The following KCNIP4 variants were observed in gnomAD, a reference collection of about 807,000 sequenced individuals.
KCNIP4 encodes the protein potassium voltage-gated channel interacting protein 4.
Under a neutral mutation model 34.0 loss-of-function variants are expected in KCNIP4, and 12 were observed. That is an observed-to-expected ratio of 0.35 (90% CI 0.23 to 0.57). KCNIP4 has a LOEUF of 0.57. KCNIP4 is among the 20% of genes least tolerant of loss of function. The pLI is 0.83. For synonymous variants in KCNIP4, 124 were observed against 102.2 expected (o/e 1.21, Z -1.29); for missense variants, 238 against 311.7 (o/e 0.76, Z 1.78).
At chr4:21,387,964 A>G (rs1267736941) in intron 1 of KCNIP4, among the ~76,000 whole-genome samples, 1 of 152,082 alleles carries the variant, frequency 6.6e-6, no homozygotes, top group Non-Finnish European at 1.5e-5. Flanking sequence ...GACAGCTCAG[A>G]GAGGGGAATG....
At chr4:21,769,624 A>C (rs1718645179) in intron 1 of KCNIP4, among the ~76,000 whole-genome samples, 1 of 152,124 alleles carries the variant, frequency 6.6e-6, no homozygotes, top group Non-Finnish European at 1.5e-5. Context: ...GTGGCAGTTC[A>C]CTAAGTTGCC....
chr4:21,845,306 T>A (rs959807452), intron 1 of KCNIP4: 2 of 152,150 alleles, frequency 1.3e-5, no homozygotes, highest in African/African-American at 2.4e-5. Context: ...TGGAAATTAG[T>A]GTGGCTATAT....
At chr4:21,395,338 A>G (rs10021453) in intron 1 of KCNIP4, among the ~76,000 whole-genome samples, 7,298 of 152,224 alleles carry the variant, frequency 0.048, 444 homozygotes, top group African/African-American at 0.13. Flanking sequence ...AAACATTATT[A>G]TCATACATCT....
intron 1 of KCNIP4, among the ~76,000 whole-genome samples, chr4:21,669,642 T>C (rs1749315775): frequency 6.6e-6 from 1 of 152,126 alleles, no homozygotes; most frequent in Admixed American, 6.5e-5. Context: ...CTTTTTTAAA[T>C]TTATAGAGCA....
intron 1 of KCNIP4, among the ~76,000 whole-genome samples, chr4:21,942,503 TAC>T (rs1357341514): frequency 2.0e-5 from 3 of 152,196 alleles, no homozygotes; most frequent in Non-Finnish European, 4.4e-5. Flanking sequence ...AGAAACACTG[TAC>T]ACTCTGATAG....
rs537712451 is a variant in KCNIP4 at position 21,625,351 on chromosome 4, A to G, written c.61+323220T>C. 2.1e-3 allele frequency among the ~76,000 whole-genome samples: 317 copies of G among 152,170 alleles called. 2 individuals are homozygous for G. Among genetic ancestry groups the G allele is most frequent in the African/African-American group, 7.2e-3 (300 of 41,534 alleles). On this transcript the variant is annotated intron_variant, in intron 1 of 8. Coordinates refer to ENST00000382152, the MANE Select transcript of KCNIP4 (RefSeq NM_025221.6). ...AGGTTATATGAGAATGTCTATAATT[A>G]CTATTTATATTACTATTTATAATTA...
intron 2 of KCNIP4, among the ~76,000 whole-genome samples, chr4:20,859,320 G>A (rs578046831): frequency 2.0e-5 from 3 of 152,286 alleles, no homozygotes; most frequent in African/African-American, 7.2e-5. Flanking sequence ...TCTGGCCTCT[G>A]GAGTTATCTC....
chr4:21,744,265 T>G (rs1716619680), intron 1 of KCNIP4, among the ~76,000 whole-genome samples: 1 of 152,142 alleles, frequency 6.6e-6, no homozygotes, highest in African/African-American at 2.4e-5. Context: ...TTGCACAACT[T>G]CCAAAACTTA....
At chr4:21,666,872 T>C (rs900957464) in intron 1 of KCNIP4, among the ~76,000 whole-genome samples, 1 of 152,236 alleles carries the variant, frequency 6.6e-6, no homozygotes, top group Non-Finnish European at 1.5e-5. Flanking sequence ...CTTCTCCTGC[T>C]TACCTTTCTT....
At chr4:20,746,399 T>C (rs1333596705) in intron 5 of KCNIP4, among the ~76,000 whole-genome samples, 1 of 151,854 alleles carries the variant, frequency 6.6e-6, no homozygotes, top group Non-Finnish European at 1.5e-5. Context: ...GGAGGGATAA[T>C]ATTAGCAGAA....
rs1389952726 is a variant in KCNIP4, at chr4:21,757,194, GGAAGGAAAGAAAGAAAGAAA to G, written c.61+191357_61+191376del. Reference sequence around the variant, plus strand: ...AGGAAGGAAGGAAGGAAGGAAGGAAGGAAGGAAAGAAAGAAAGAAAGAAAGAAAGAAAGAAAGAAAGAAAG... The same window carrying G: ...AGGAAGGAAGGAAGGAAGGAAGGAAGGAAAGAAAGAAAGAAAGAAAGAAAG... On this transcript the variant is annotated intron_variant, in intron 1 of 8. Transcript: ENST00000382152. Among the ~76,000 whole-genome samples the G allele has an allele frequency of 4.0e-3, 158 of 39,468 alleles. 9 individuals carry two copies. Among genetic ancestry groups the G allele is most frequent in the Admixed American group, 0.023 (92 of 3,992 alleles). The allele number at this position is 39,468 out of a possible 152,430, so 25.9% of individuals were successfully genotyped here. A position where few individuals can be genotyped will look rare whatever the true frequency, so the allele number is the denominator to read the frequency against.
At chr4:21,270,676 G>A (rs1312047355) in intron 1 of KCNIP4, among the ~76,000 whole-genome samples, 2 of 152,012 alleles carry the variant, frequency 1.3e-5, no homozygotes, top group Non-Finnish European at 2.9e-5. Context: ...GCACTTGGAA[G>A]AAGACACATT....
intron 1 of KCNIP4, among the ~76,000 whole-genome samples, chr4:20,968,752 G>T (rs1398768921): frequency 1.8e-5 from 2 of 110,240 alleles, no homozygotes; most frequent in East Asian, 6.0e-4. Flanking sequence ...ACAGGGTGGG[G>T]AACATCACAC....
At chr4:20,983,750 C>T in intron 1 of KCNIP4, 1 of 1,323,076 alleles carries the variant, frequency 7.6e-7, no homozygotes, top group Non-Finnish European at 1.0e-6. Flanking sequence ...TTAACTTCTG[C>T]AGCATCTGTA....
At chr4:21,399,426 A>G (rs1723280588) in intron 1 of KCNIP4, among the ~76,000 whole-genome samples, 1 of 152,228 alleles carries the variant, frequency 6.6e-6, no homozygotes, top group African/African-American at 2.4e-5. Flanking sequence ...AGTAGAAGCC[A>G]GAGCTGAGAG....
intron 1 of KCNIP4, among the ~76,000 whole-genome samples, chr4:21,179,737 C>A (rs1179704783): frequency 6.6e-6 from 1 of 152,000 alleles, no homozygotes; most frequent in Non-Finnish European, 1.5e-5. Flanking sequence ...ATTCTCTAAA[C>A]TTCATACAAA....
At chr4:21,191,448 CA>C (rs1295921809) in intron 1 of KCNIP4, among the ~76,000 whole-genome samples, 3 of 152,166 alleles carry the variant, frequency 2.0e-5, no homozygotes, top group Non-Finnish European at 4.4e-5. Flanking sequence ...TATGCTACAA[CA>C]AAACCGCACA....
chr4:21,082,907 C>CTATA (rs1252550387), intron 1 of KCNIP4, among the ~76,000 whole-genome samples: 1 of 150,672 alleles, frequency 6.6e-6, no homozygotes, highest in Non-Finnish European at 1.5e-5. Flanking sequence ...ATCTATCTAT[C>CTATA]TATCTAAAAT....
intron 1 of KCNIP4, among the ~76,000 whole-genome samples, chr4:21,235,143 C>G (rs1379644646): frequency 6.6e-6 from 1 of 152,104 alleles, no homozygotes; most frequent in Non-Finnish European, 1.5e-5. Context: ...GCTATGAAGT[C>G]ACAGGTGCTA....
Sources: gnomAD v4.1 joint callset for allele counts (sites outside exome capture counted in the v4.1 genomes callset) on GRCh38, gnomAD v4.1.1 for gene constraint, MANE v1.5 for transcripts, NCBI Gene and HGNC (gene_info 2026-07-23, HGNC 2026-07-21) for gene names.